The following CSMD1 variants were observed in gnomAD, a reference collection of about 807,000 sequenced individuals.
CSMD1 encodes the protein CUB and sushi domain-containing protein 1.
CSMD1 carries 213 observed loss-of-function variants against 417.5 expected under a neutral mutation model. The observed-to-expected ratio is 0.51, with a 90% CI of 0.46 to 0.57. The LOEUF (loss-of-function observed/expected upper bound fraction) is 0.57, where lower values mean the gene tolerates loss of function less well. Ranked by LOEUF, CSMD1 falls within the 20% of genes least tolerant of loss-of-function variation. The pLI, the probability that CSMD1 is intolerant of heterozygous loss-of-function variation, is 0.00. For synonymous variants in CSMD1, 2,862 were observed against 1,736.8 expected (o/e 1.65, Z -16.11); for missense variants, 6,923 against 4,529.7 (o/e 1.53, Z -15.17).
chr8:4,046,640 C>G (rs150498113), intron 3 of CSMD1, among the ~76,000 whole-genome samples: 3 of 152,244 alleles, frequency 2.0e-5, no homozygotes, highest in South Asian at 2.1e-4. Context: ...TAACAAACAA[C>G]AAGTGTGCAG....
At chr8:4,569,133 A>C (rs906501039) in intron 2 of CSMD1, among the ~76,000 whole-genome samples, 1 of 152,012 alleles carries the variant, frequency 6.6e-6, no homozygotes, top group African/African-American at 2.4e-5. Flanking sequence ...GCTGTGCAGA[A>C]GCTCTTTATT....
intron 25 of CSMD1, among the ~76,000 whole-genome samples, chr8:3,288,227 G>C (rs1803297676): frequency 6.8e-6 from 1 of 147,112 alleles, no homozygotes; most frequent in South Asian, 2.1e-4. Flanking sequence ...GAGGATTTTT[G>C]CATCGATGTT....
intron 5 of CSMD1, among the ~76,000 whole-genome samples, chr8:3,941,376 A>G (rs926725017): frequency 6.6e-6 from 1 of 152,148 alleles, no homozygotes; most frequent in African/African-American, 2.4e-5. Context: ...ATAATTTTCA[A>G]GTAATTTTTG....
chr8:4,499,639 C>T (rs1174809271), intron 2 of CSMD1, among the ~76,000 whole-genome samples: 5 of 152,194 alleles, frequency 3.3e-5, no homozygotes, highest in East Asian at 1.9e-4. Context: ...TTATATTTAT[C>T]GCCCCTGCGA....
chr8:3,431,298 G>C (rs1299801672), intron 12 of CSMD1, among the ~76,000 whole-genome samples: 2 of 152,050 alleles, frequency 1.3e-5, no homozygotes, highest in African/African-American at 2.4e-5. Flanking sequence ...CACTAATCTT[G>C]TCTAACCCTG....
rs73660328 is a variant in CSMD1, at chr8:3,595,793, A to C, written c.1098-9533T>G. ...AACAGGACTTTGTCATGCGAAGTAG[A>C]AAAATTAAATCCTCACGTTCACCCA... On this transcript the variant is annotated intron_variant, in intron 8 of 69. Coordinates refer to ENST00000635120, the MANE Select transcript of CSMD1 (RefSeq NM_033225.6). Among the ~76,000 whole-genome samples the C allele has an allele frequency of 3.9e-3, 593 of 152,312 alleles. 2 individuals are homozygous for C. The highest frequency in any genetic ancestry group is 0.013 in the African/African-American group (560 of 41,558).
intron 5 of CSMD1, among the ~76,000 whole-genome samples, chr8:3,894,259 C>T (rs1245530250): frequency 6.6e-6 from 1 of 152,194 alleles, no homozygotes; most frequent in African/African-American, 2.4e-5. Flanking sequence ...GCAGTCCCAT[C>T]TCCACACTGT....
rs192064861 is a variant in CSMD1, at chr8:4,137,628, C to A, written c.416-105529G>T. Among the ~76,000 whole-genome samples, 45 of 131,108 alleles carry A rather than the reference C, an allele frequency of 3.4e-4. 12 individuals are homozygous for A. The highest frequency in any genetic ancestry group is 1.4e-4 in the Non-Finnish European group (8 of 56,468). 86.0% of individuals were successfully genotyped at this position (131,108 alleles called of 152,430 possible). On this transcript the variant is annotated intron_variant, in intron 3 of 69. Coordinates refer to ENST00000635120, the MANE Select transcript of CSMD1 (RefSeq NM_033225.6). ...ACAAAAAAGACAACTGTTAATTGAT[C>A]ACATTTTTATAAGCAGTTTCAATAT...
chr8:3,313,318 C>G (rs375543058), intron 23 of CSMD1, among the ~76,000 whole-genome samples: 2 of 152,136 alleles, frequency 1.3e-5, no homozygotes, highest in African/African-American at 4.8e-5. Flanking sequence ...AAACCACCAT[C>G]AGAGTGAACA....
chr8:3,868,024 C>A (rs78761957), intron 5 of CSMD1, among the ~76,000 whole-genome samples: 2,352 of 152,262 alleles, frequency 0.015, 42 homozygotes, highest in East Asian at 0.087. Flanking sequence ...CTTCTCCAAT[C>A]CTGATTTGGC....
intron 2 of CSMD1, among the ~76,000 whole-genome samples, chr8:4,421,012 G>A (rs138154616): frequency 2.0e-5 from 3 of 152,080 alleles, no homozygotes. Context: ...AGTATCTGCT[G>A]TCTGCTTTTA....
At chr8:3,838,943 A>AAAAT (rs367706739) in intron 5 of CSMD1, among the ~76,000 whole-genome samples, 36,880 of 110,448 alleles carry the variant, frequency 0.33, 7,779 homozygotes, top group African/African-American at 0.48. Context: ...TATATAATAA[A>AAAAT]AAATTAATAT....
intron 3 of CSMD1, among the ~76,000 whole-genome samples, chr8:4,036,056 G>C (rs12676492): frequency 0.15 from 22,625 of 152,046 alleles, 2,414 homozygotes; most frequent in East Asian, 0.39. Flanking sequence ...TTATGTTATA[G>C]TTGCCTACAG....
At chr8:4,388,303 TACACACACACACACACAGAC>T (rs890562971) in intron 3 of CSMD1, among the ~76,000 whole-genome samples, 1,195 of 117,204 alleles carry the variant, frequency 0.01, 15 homozygotes, top group African/African-American at 0.043. Flanking sequence ...GAAACTGTGA[TACACACACACACACACAGAC>T]ACACACACAC....
intron 2 of CSMD1, among the ~76,000 whole-genome samples, chr8:4,536,511 C>G (rs1201518712): frequency 6.6e-6 from 1 of 152,162 alleles, no homozygotes; most frequent in Non-Finnish European, 1.5e-5. Context: ...CTTAACAAAT[C>G]TCACATGTCA....
chr8:2,957,635 C>A, intron 63 of CSMD1, 61 bp downstream of exon 63: 2 of 1,066,932 alleles, frequency 1.9e-6, no homozygotes, highest in Non-Finnish European at 2.8e-6. Context: ...GTGGTAAACA[C>A]GTCTCAGACA....
At chr8:4,394,857 G>C (rs925250516) in intron 3 of CSMD1, among the ~76,000 whole-genome samples, 3 of 152,004 alleles carry the variant, frequency 2.0e-5, no homozygotes, top group Non-Finnish European at 4.4e-5. Flanking sequence ...CTCTGGGCTA[G>C]AGAGTCCGAT....
chr8:3,508,283 C>T (rs997396334), intron 10 of CSMD1, among the ~76,000 whole-genome samples: 1 of 151,188 alleles, frequency 6.6e-6, no homozygotes, highest in African/African-American at 2.4e-5. Context: ...CCTGGCTCAC[C>T]TGCGCCCCCT....
intron 5 of CSMD1, among the ~76,000 whole-genome samples, chr8:3,982,184 TAA>T (rs1813928902): frequency 5.4e-5 from 7 of 128,880 alleles, no homozygotes; most frequent in Non-Finnish European, 1.0e-4. Context: ...ATAATAATAA[TAA>T]TAATATTAAT....
Sources: gnomAD v4.1 joint callset for allele counts (sites outside exome capture counted in the v4.1 genomes callset) on GRCh38, gnomAD v4.1.1 for gene constraint, MANE v1.5 for transcripts, NCBI Gene and HGNC (gene_info 2026-07-23, HGNC 2026-07-21) for gene names.